RHOC: variants seen among roughly 807,000 people sequenced by gnomAD.
The protein encoded by RHOC is ras homolog family member C.
A neutral mutation model predicts 19.5 loss-of-function variants in RHOC; 13 were observed. That is an observed-to-expected ratio of 0.67 (90% confidence interval 0.43 to 1.06). The LOEUF is 1.06. Among genes scored for constraint, RHOC ranks in the 50% least tolerant of loss-of-function variants. The pLI is 0.00. For missense variants in RHOC, 173 were observed against 256.9 expected, an observed-to-expected ratio of 0.67 and a Z score of 2.23; for synonymous variants, 106 against 97.3, an observed-to-expected ratio of 1.09 and a Z score of -0.52.
At chr1:112,703,948 C>A in intron 2 of RHOC, 142 bp from the exon 3 acceptor site, 1 of 707,012 alleles carries the variant, frequency 1.4e-6, no homozygotes, top group Non-Finnish European at 2.3e-6. Context: ...GGCAAAACAC[C>A]AATTGTGCGA....
chr1:112,701,596 G>C lies in RHOC; in HGVS notation c.526C>G (p.Arg176Gly). ...GVREVFEMATRAGLQVRKNKR... is the reference protein window; with the variant it reads ...GVREVFEMATGAGLQVRKNKR... ...TTCTTGCGGACCTGGAGGCCAGCCCGAGTGGCCATCTCAAACACCTCCCGC... is the reference window on the plus strand; with the variant it reads ...TTCTTGCGGACCTGGAGGCCAGCCCCAGTGGCCATCTCAAACACCTCCCGC... Residue 176 changes from arginine (R) to glycine (G), a missense_variant, in exon 6 of 6, where the codon CGG becomes GGG. Arg to Gly is a moderately radical substitution (Grantham distance 125). Around this residue, in one of 2 missense-constraint regions of RHOC, gnomAD observed 81 missense variants for 85.8 expected, o/e 0.94. Transcript: ENST00000339083. The C allele has an allele frequency of 6.2e-7, 1 of 1,614,088 alleles. No homozygotes were observed. The highest frequency in any genetic ancestry group is 8.5e-7 in the Non-Finnish European group (1 of 1,179,978).
At chr1:112,706,517 C>CACAA (rs1553189942) in intron 1 of RHOC, among the ~76,000 whole-genome samples, 3,948 of 71,382 alleles carry the variant, frequency 0.055, 403 homozygotes, top group Non-Finnish European at 0.079. Flanking sequence ...CACACACACA[C>CACAA]ACACACACAC....
intron 3 of RHOC, 21 bp downstream of exon 3, chr1:112,703,623 G>A: frequency 2.0e-6 from 3 of 1,475,016 alleles, no homozygotes; most frequent in South Asian, 2.3e-5. Context: ...GGTGGGGTGG[G>A]AAGGGCATTT....
Position 112,706,497 on chromosome 1 carries a change from CACA to C in RHOC, c.-77+578_-77+580del, listed in dbSNP as rs1674889221. ...ACACACACACACACACACACACACA[CACA>C]CACACACACACACACACACACACAC... On this transcript the variant is annotated intron_variant, in intron 1 of 5. Coordinates refer to ENST00000339083, the MANE Select transcript of RHOC (RefSeq NM_175744.5). Among the ~76,000 whole-genome samples, 19 of 45,440 alleles carry C rather than the reference CACA, an allele frequency of 4.2e-4. 1 individual carries two copies. Among genetic ancestry groups the C allele is most frequent in the Non-Finnish European group, 6.6e-4 (13 of 19,742 alleles). 29.8% of individuals were successfully genotyped at this position (45,440 alleles called of 152,430 possible). A position where few individuals can be genotyped will look rare whatever the true frequency, so the allele number is the denominator to read the frequency against.
At position 112,702,796 on chromosome 1, in the gene RHOC, C is replaced by T. The variant is rs1436382082; in HGVS notation, c.278-103G>A. The T allele has an allele frequency of 2.0e-6, 3 of 1,486,400 alleles. No individual in the cohort carries two copies. The African/African-American group carries it at 4.1e-5, about 21-fold the overall frequency. 92.1% of individuals were successfully genotyped at this position (1,486,400 alleles called of 1,614,324 possible). A position where few individuals can be genotyped will look rare whatever the true frequency, so the allele number is the denominator to read the frequency against. Reference sequence around the variant, plus strand: ...CAGAGCAGTCTTAGAAGCCATTCAGCATGATGGTCCCTTTCACAGCTCAAA... The same window carrying T: ...CAGAGCAGTCTTAGAAGCCATTCAGTATGATGGTCCCTTTCACAGCTCAAA... On this transcript the variant is annotated intron_variant, in intron 4 of 5. Coordinates refer to ENST00000339083, the MANE Select transcript of RHOC (RefSeq NM_175744.5).
At chr1:112,706,426 T>TACACACACA (rs1557780339) in intron 1 of RHOC, among the ~76,000 whole-genome samples, 1 of 54,800 alleles carries the variant, frequency 1.8e-5, no homozygotes, top group Non-Finnish European at 3.8e-5. Flanking sequence ...TCTCTCTCTC[T>TACACACACA]CTCTACACAC....
intron 1 of RHOC, among the ~76,000 whole-genome samples, chr1:112,706,435 A>ACACACACACACACACACACACAC (rs1557780427): frequency 3.5e-5 from 1 of 28,748 alleles, no homozygotes; most frequent in African/African-American, 1.3e-4. Flanking sequence ...CTCTCTACAC[A>ACACACACACACACACACACACAC]CACACACACA....
chr1:112,707,158 G>T (rs1323913951), upstream of RHOC: 9 of 150,738 alleles, frequency 6.0e-5, no homozygotes, highest in Admixed American at 4.6e-4. Flanking sequence ...CCCTCCTCCA[G>T]CGCCGCGGCG....
chr1:112,706,098 A>C (rs1674825864), intron 1 of RHOC: 1 of 170,546 alleles, frequency 5.9e-6, no homozygotes, highest in Non-Finnish European at 1.3e-5. Context: ...AAGAGGGGCA[A>C]CTGAGCCCCA....
At chr1:112,704,794 C>T in intron 2 of RHOC, 1 of 374,112 alleles carries the variant, frequency 2.7e-6, no homozygotes, top group Non-Finnish European at 5.0e-6. Context: ...GCCAGCAACA[C>T]TGGGTCACTC....
chr1:112,704,931 C>T lies in RHOC; in HGVS notation c.-8+169G>A. ...GGAACAGCCCCTTCCTCCCTCAGTC[C>T]AGCTCACCCGCATGCCCTGCCCACC... On this transcript the variant is annotated intron_variant, in intron 2 of 5. Coordinates refer to ENST00000339083, the MANE Select transcript of RHOC (RefSeq NM_175744.5). The T allele has an allele frequency of 4.8e-6, 3 of 622,778 alleles. No individual in the cohort carries two copies. The Admixed American group carries it at 7.3e-5, about 15-fold the overall frequency. 38.6% of individuals were successfully genotyped at this position (622,778 alleles called of 1,614,324 possible).
In RHOC at chr1:112,703,089, G is replaced by A; in HGVS notation, c.187C>T (p.Gln63Ter). ...VELALWDTAG[Q>*]EDYDRLRPLS... ...GGCCGCAGTCGATCATAGTCTTCCT[G>A]CCCTGCTGTGTCCCACAGAGCCAGC... The change falls in exon 4 of 6, where the codon CAG becomes TAG. Residue 63 changes from glutamine to a stop codon, truncating the protein, a stop_gained. Transcript: ENST00000339083. LOFTEE classifies it high-confidence loss of function. 6.2e-7 allele frequency: 1 copy of A among 1,614,176 alleles called. No individual in the cohort carries two copies. Among genetic ancestry groups the A allele is most frequent in the South Asian group, 1.1e-5 (1 of 91,078 alleles).
intron 5 of RHOC, among the ~76,000 whole-genome samples, chr1:112,702,206 T>C (rs1674670546): frequency 6.6e-6 from 1 of 152,042 alleles, no homozygotes; most frequent in Non-Finnish European, 1.5e-5. Flanking sequence ...CCTGCCCTCA[T>C]TCCCGCATCC....
At chr1:112,706,562 C>T (rs1262209922) in intron 1 of RHOC, among the ~76,000 whole-genome samples, 3 of 148,416 alleles carry the variant, frequency 2.0e-5, no homozygotes, top group East Asian at 4.0e-4. Context: ...CCCCATCTCC[C>T]TTATCCTCAA....
intron 2 of RHOC, 124 bp from the exon 3 acceptor site, chr1:112,703,930 C>G: frequency 1.2e-6 from 1 of 819,802 alleles, no homozygotes; most frequent in East Asian, 2.7e-5. Flanking sequence ...CTTGCTCAGG[C>G]ATGTTCTGGC....
intron 1 of RHOC, among the ~76,000 whole-genome samples, chr1:112,706,515 C>CACACAAACACACACAA (rs1674894937): frequency 1.1e-5 from 1 of 93,448 alleles, no homozygotes. Context: ...CACACACACA[C>CACACAAACACACACAA]ACACACACAC....
chr1:112,705,217 A>G (rs896468516), intron 1 of RHOC, 49 bp from the exon 2 acceptor site: 6 of 701,682 alleles, frequency 8.6e-6, no homozygotes, highest in African/African-American at 5.2e-5. Flanking sequence ...AGGAGCCCCA[A>G]AAGAAGAGAC....
At chr1:112,704,547 C>G (rs1277669255) in intron 2 of RHOC, 1 of 160,094 alleles carries the variant, frequency 6.2e-6, no homozygotes, top group African/African-American at 2.4e-5. Flanking sequence ...GGGACAGCAC[C>G]CAAAGCAGGA....
At chr1:112,705,930 AC>A (rs1674821058) in intron 1 of RHOC, 3 of 324,908 alleles carry the variant, frequency 9.2e-6, no homozygotes, top group South Asian at 7.5e-5. Flanking sequence ...GCGTTAAGGG[AC>A]CTGGAGCCTC....
Sources: allele counts gnomAD v4.1 joint callset (sites outside exome capture counted in the v4.1 genomes callset), GRCh38; gene constraint gnomAD v4.1.1; regional missense constraint gnomAD v4.1.1; transcripts MANE v1.5; gene names NCBI Gene and HGNC (gene_info 2026-07-23, HGNC 2026-07-21).